Variants in ANKFN1 observed in about 807,000 individuals in gnomAD.
ANKFN1 encodes the protein ankyrin repeat and fibronectin type-III domain-containing protein 1.
A neutral mutation model predicts 108.7 loss-of-function variants in ANKFN1; 74 were observed. The observed-to-expected ratio is 0.68, with a 90% CI of 0.56 to 0.83. ANKFN1 has a LOEUF of 0.83. Among genes scored for constraint, ANKFN1 ranks in the 40% least tolerant of loss-of-function variants. The pLI is 0.00. For synonymous variants in ANKFN1, 547 were observed against 516.2 expected, an observed-to-expected ratio of 1.06 and a Z score of -0.81; for missense variants, 1,505 against 1,382.3, an observed-to-expected ratio of 1.09 and a Z score of -1.41.
chr17:56,133,938 A>G (rs1907442902), intron 4 of ANKFN1, among the ~76,000 whole-genome samples: 1 of 152,156 alleles, frequency 6.6e-6, no homozygotes, highest in Non-Finnish European at 1.5e-5. Context: ...ACCTGCAGAT[A>G]GCATCAGATC....
chr17:56,392,953 A>G (rs754816567), intron 8 of ANKFN1, among the ~76,000 whole-genome samples: 23 of 152,164 alleles, frequency 1.5e-4, no homozygotes, highest in Non-Finnish European at 2.6e-4. Flanking sequence ...GACCTCCGAG[A>G]GCACCCAGGA....
chr17:56,351,543 T>G (rs117279902), intron 5 of ANKFN1, among the ~76,000 whole-genome samples: 3 of 152,128 alleles, frequency 2.0e-5, no homozygotes, highest in East Asian at 3.9e-4. Context: ...TACCTGAAAT[T>G]TATCATTACA....
chr17:56,434,245 G>A (rs1038247205), intron 8 of ANKFN1, among the ~76,000 whole-genome samples: 1 of 152,054 alleles, frequency 6.6e-6, no homozygotes, highest in Non-Finnish European at 1.5e-5. Flanking sequence ...GAGAGTACAC[G>A]ATATATGTAG....
At chr17:56,477,460 CTTTT>C (rs373804237) in intron 15 of ANKFN1, 24 bp from the exon 16 acceptor site, 5,992 of 1,331,358 alleles carry the variant, frequency 4.5e-3, no homozygotes, top group South Asian at 9.5e-3. Flanking sequence ...TTCTTGTTTT[CTTTT>C]TTTTTTTTTT....
At chr17:56,204,620 C>T (rs772315099) in intron 1 of ANKFN1, among the ~76,000 whole-genome samples, 4 of 152,164 alleles carry the variant, frequency 2.6e-5, no homozygotes, top group Non-Finnish European at 4.4e-5. Context: ...GGATTACAGG[C>T]ACAAGTCACT....
At chr17:56,232,208 T>C (rs1395119347) in intron 3 of ANKFN1, among the ~76,000 whole-genome samples, 1 of 152,166 alleles carries the variant, frequency 6.6e-6, no homozygotes, top group African/African-American at 2.4e-5. Context: ...GGTTTAGTTA[T>C]CCTTTTCCAT....
chr17:56,070,885 C>T (rs977657955), intron 4 of ANKFN1, among the ~76,000 whole-genome samples: 9 of 152,034 alleles, frequency 5.9e-5, no homozygotes, highest in South Asian at 4.2e-4. Context: ...CAGGTGCACA[C>T]CACCACGCCC....
intron 4 of ANKFN1, among the ~76,000 whole-genome samples, chr17:56,148,331 G>A (rs1275947470): frequency 6.6e-6 from 1 of 152,206 alleles, no homozygotes; most frequent in Non-Finnish European, 1.5e-5. Context: ...TTACACGAAT[G>A]GGATGATTCT....
upstream of ANKFN1, among the ~76,000 whole-genome samples, chr17:56,149,158 G>A (rs746077416): frequency 5.9e-5 from 9 of 152,162 alleles, no homozygotes; most frequent in Middle Eastern, 3.4e-3. Context: ...AGTCTTTTCC[G>A]GTCATGTTTG....
chr17:56,312,507 G>A (rs985696978), intron 3 of ANKFN1, among the ~76,000 whole-genome samples: 5 of 151,978 alleles, frequency 3.3e-5, no homozygotes, highest in Non-Finnish European at 7.4e-5. Flanking sequence ...CCACTTTCTC[G>A]GAGCCTCTCT....
chr17:56,142,686 C>G (rs1406432402), intron 4 of ANKFN1, among the ~76,000 whole-genome samples: 1 of 152,206 alleles, frequency 6.6e-6, no homozygotes, highest in Non-Finnish European at 1.5e-5. Context: ...GCCTTCATTT[C>G]TTGAGAACCA....
At chr17:56,073,996 C>T (rs568988565) in intron 4 of ANKFN1, among the ~76,000 whole-genome samples, 2 of 152,234 alleles carry the variant, frequency 1.3e-5, no homozygotes, top group South Asian at 4.2e-4. Context: ...GTTTTCAATT[C>T]GTTTGGGTAT....
In ANKFN1 at chr17:56,070,560, G is replaced by T. The variant is rs548733824; in HGVS notation, c.288+24235G>T. On this transcript the variant is annotated intron_variant, in intron 4 of 12. Coordinates refer to the ANKFN1 transcript ENST00000635860. ...TAAGGTCACATTCATGAGTACTGGG[G>T]GCTAAGAAATGAATATACCTTTTTG... 5.3e-5 allele frequency among the ~76,000 whole-genome samples: 8 copies of T among 152,014 alleles called. No individual in the cohort carries two copies. In the South Asian group the frequency reaches 6.2e-4, roughly 12 times the overall value.
In ANKFN1 at chr17:56,492,094, A is replaced by G. The variant is rs530495326; in HGVS notation, c.2261-93A>G. On this transcript the variant is annotated intron_variant, in intron 18 of 20. Coordinates refer to ENST00000682825, the MANE Select transcript of ANKFN1 (RefSeq NM_001370326.1). Reference sequence around the variant, plus strand: ...TTTCCACTGATAGGATTAATAAATCATGTTTTCATTCAACTTGTTTTCTCT... The same window carrying G: ...TTTCCACTGATAGGATTAATAAATCGTGTTTTCATTCAACTTGTTTTCTCT... 2.0e-4 allele frequency: 132 copies of G among 645,316 alleles called. No homozygotes were observed. In the African/African-American group the frequency reaches 2.3e-3, roughly 11 times the overall value. The allele number at this position is 645,316 out of a possible 1,614,324, so 40.0% of individuals were successfully genotyped here.
rs568039585 is a variant in ANKFN1 at position 56,446,480 on chromosome 17, C to T, written c.1100-2599C>T. Among the ~76,000 whole-genome samples, 3 of 152,330 alleles carry T rather than the reference C, an allele frequency of 2.0e-5. No individual in the cohort carries two copies. In the South Asian group the frequency reaches 6.2e-4, roughly 32 times the overall value. Reference sequence around the variant, plus strand: ...GATACCGAGTGTTTATTTCCTCAAACATTTTTGAACTTTCCAGTAAAAATC... The same window carrying T: ...GATACCGAGTGTTTATTTCCTCAAATATTTTTGAACTTTCCAGTAAAAATC... On this transcript the variant is annotated intron_variant, in intron 10 of 20. Transcript: ENST00000682825.
chr17:56,309,462 G>A (rs987560804), intron 3 of ANKFN1, among the ~76,000 whole-genome samples: 7 of 151,998 alleles, frequency 4.6e-5, no homozygotes, highest in Admixed American at 4.6e-4. Context: ...GTTAATAGAG[G>A]TGCCAATTTT....
chr17:56,368,933 C>G (rs2046738075), intron 6 of ANKFN1, among the ~76,000 whole-genome samples: 1 of 152,158 alleles, frequency 6.6e-6, no homozygotes, highest in African/African-American at 2.4e-5. Context: ...ACATCCTACC[C>G]CTTTGCACTT....
intron 1 of ANKFN1, among the ~76,000 whole-genome samples, chr17:56,180,906 C>T (rs1040008162): frequency 2.1e-4 from 32 of 152,088 alleles, no homozygotes; most frequent in African/African-American, 7.5e-4. Flanking sequence ...CTTGTAGCAT[C>T]GAGGAAGGAG....
intron 4 of ANKFN1, among the ~76,000 whole-genome samples, chr17:56,129,401 G>A (rs1210925098): frequency 6.6e-6 from 1 of 151,804 alleles, no homozygotes; most frequent in Non-Finnish European, 1.5e-5. Flanking sequence ...AGAAAATGGT[G>A]TAGTCTTATT....
Sources: gnomAD v4.1 joint callset for allele counts (sites outside exome capture counted in the v4.1 genomes callset) on GRCh38, gnomAD v4.1.1 for gene constraint, MANE v1.5 for transcripts, NCBI Gene and HGNC (gene_info 2026-07-23, HGNC 2026-07-21) for gene names.